The following FAM83F variants were observed in gnomAD, a reference collection of about 807,000 sequenced individuals.
The protein encoded by FAM83F is scaffolding CK1 anchoring protein F.
Under a neutral mutation model 42.9 loss-of-function variants are expected in FAM83F, and 45 were observed. The observed-to-expected ratio is 1.05, with a 90% CI of 0.83 to 1.35. The LOEUF is 1.35. Ranked by LOEUF, FAM83F falls within the 40% of genes most tolerant of loss-of-function variation. The pLI, the probability that FAM83F is intolerant of heterozygous loss-of-function variation, is 0.00. For missense variants in FAM83F, 617 were observed against 695.9 expected (o/e 0.89, Z 1.28); for synonymous variants, 306 against 298.3 (o/e 1.03, Z -0.27).
rs1486491841 is a variant in FAM83F, at chr22:40,035,771, A to G, written c.*6206A>G. ...GTCAAATGGGGATGATCTCGAGACG[A>G]CTCTCCAGAGTAACCACGTGAAGCA... On this transcript the variant is annotated 3_prime_UTR_variant, in exon 5 of 5. Transcript: ENST00000333407. The G allele has an allele frequency of 6.6e-6, 1 of 151,950 alleles. No individual in the cohort carries two copies. Among genetic ancestry groups the G allele is most frequent in the Non-Finnish European group, 1.5e-5 (1 of 68,000 alleles). The allele number at this position is 151,950 out of a possible 1,614,324, so 9.4% of individuals were successfully genotyped here.
chr22:40,011,702 A>C (rs999596514), intron 1 of FAM83F, among the ~76,000 whole-genome samples: 6 of 152,206 alleles, frequency 3.9e-5, no homozygotes, highest in African/African-American at 1.4e-4. Context: ...CTAGTTCGTT[A>C]CTTCTGTCTG....
rs559221638 is a variant in FAM83F, at chr22:40,029,694, C to T, written c.*129C>T. On this transcript the variant is annotated 3_prime_UTR_variant, in exon 5 of 5. Coordinates refer to ENST00000333407, the MANE Select transcript of FAM83F (RefSeq NM_138435.4). ...AACTGGCCTTCTGCCCTGCAGCCTC[C>T]GTCCTGGCCTCAGGGACGCTGGATC... The T allele has an allele frequency of 1.3e-5, 17 of 1,356,420 alleles. 1 individual carries two copies. In the East Asian group the frequency reaches 1.3e-4, roughly 10 times the overall value. The allele number at this position is 1,356,420 out of a possible 1,614,324, so 84.0% of individuals were successfully genotyped here. A position where few individuals can be genotyped will look rare whatever the true frequency, so the allele number is the denominator to read the frequency against.
At chr22:40,000,266 T>G in intron 1 of FAM83F, among the ~76,000 whole-genome samples, 1 of 151,522 alleles carries the variant, frequency 6.6e-6, no homozygotes. Flanking sequence ...GGGAGGGAGG[T>G]GCATCAGGGG....
At chr22:40,007,038 GCTTAAGTAACTTGCACAAGGCCTCACAGC>G (rs1468414890) in intron 1 of FAM83F, among the ~76,000 whole-genome samples, 1 of 151,976 alleles carries the variant, frequency 6.6e-6, no homozygotes, top group East Asian at 1.9e-4. Flanking sequence ...AATTCAGAGG[GCTTAAGTAACTTGCACAAGGCCTCACAGC>G]CTGCGTGGAA....
At position 40,029,078 on chromosome 22, in the gene FAM83F, GAC is replaced by G. The variant is rs373508741; in HGVS notation, c.1454-437_1454-436del. Among the ~76,000 whole-genome samples, 153 of 135,336 alleles carry G rather than the reference GAC, an allele frequency of 1.1e-3. 3 individuals carry two copies. The highest frequency in any genetic ancestry group is 3.9e-3 in the African/African-American group (138 of 35,478). 88.8% of individuals were successfully genotyped at this position (135,336 alleles called of 152,430 possible). ...CTGGTAGTGAGCGGCCTCTTGGCTA[GAC>G]GTGTGTGTGTGTGTGTGTGTGTGTG... On this transcript the variant is annotated intron_variant, in intron 4 of 4. Coordinates refer to ENST00000333407, the MANE Select transcript of FAM83F (RefSeq NM_138435.4).
rs996034307 is a variant in FAM83F at position 40,031,697 on chromosome 22, G to A, written c.*2132G>A. On this transcript the variant is annotated 3_prime_UTR_variant, in exon 5 of 5. Coordinates refer to ENST00000333407, the MANE Select transcript of FAM83F (RefSeq NM_138435.4). ...GTTAGGAAGCAAGTTGGCATAGTGG[G>A]AAGAGGGCCAGCCACAAGGCAGGAG... The A allele has an allele frequency of 1.4e-4, 22 of 152,260 alleles. No homozygotes were observed. The highest frequency in any genetic ancestry group is 5.3e-4 in the African/African-American group (22 of 41,468). The allele number at this position is 152,260 out of a possible 1,614,324, so 9.4% of individuals were successfully genotyped here. A position where few individuals can be genotyped will look rare whatever the true frequency, so the allele number is the denominator to read the frequency against.
intron 1 of FAM83F, among the ~76,000 whole-genome samples, chr22:40,014,358 G>A (rs2067483563): frequency 6.6e-6 from 1 of 151,684 alleles, no homozygotes; most frequent in African/African-American, 2.4e-5. Flanking sequence ...ATCACAAGTA[G>A]GGATCTCGCT....
intron 1 of FAM83F, among the ~76,000 whole-genome samples, chr22:40,003,489 G>A (rs899430070): frequency 6.6e-6 from 1 of 152,032 alleles, no homozygotes; most frequent in Non-Finnish European, 1.5e-5. Context: ...GTGGGGAGGA[G>A]GGCAGAGAAC....
At chr22:40,020,619 T>C (rs1004683360) in intron 3 of FAM83F, among the ~76,000 whole-genome samples, 1 of 152,116 alleles carries the variant, frequency 6.6e-6, no homozygotes, top group South Asian at 2.1e-4. Context: ...CGCCTCAGCC[T>C]CCCAAAATGC....
At position 40,041,899 on chromosome 22, in the gene FAM83F, C is replaced by CTATT. The variant is rs1464205100; in HGVS notation, c.*12335_*12338dup. 6.6e-6 allele frequency: 1 copy of CTATT among 150,638 alleles called. No individual in the cohort carries two copies. The highest frequency in any genetic ancestry group is 1.5e-5 in the Non-Finnish European group (1 of 67,856). 9.3% of individuals were successfully genotyped at this position (150,638 alleles called of 1,614,324 possible). A position where few individuals can be genotyped will look rare whatever the true frequency, so the allele number is the denominator to read the frequency against. ...TTTTTTTTTGAGACAGGGTCTTGCT[C>CTATT]TATTGCCCAGGCTGGAGTGCAGTGG... On this transcript the variant is annotated 3_prime_UTR_variant, in exon 5 of 5. Transcript: ENST00000333407.
chr22:40,017,084 C>T (rs757173057), intron 1 of FAM83F, among the ~76,000 whole-genome samples: 1 of 152,048 alleles, frequency 6.6e-6, no homozygotes, highest in Non-Finnish European at 1.5e-5. Context: ...CTATGAAGAA[C>T]TTTAAATGGT....
At chr22:40,016,820 C>A (rs1049303293) in intron 1 of FAM83F, among the ~76,000 whole-genome samples, 4 of 151,884 alleles carry the variant, frequency 2.6e-5, no homozygotes, top group African/African-American at 9.7e-5. Context: ...CCCGCCACCA[C>A]GCCTGGCTAA....
rs1392900121 is a variant in FAM83F at position 40,039,693 on chromosome 22, C to T, written c.*10128C>T. 2.0e-5 allele frequency: 3 copies of T among 152,116 alleles called. No homozygotes were observed. The highest frequency in any genetic ancestry group is 1.9e-4 in the East Asian group (1 of 5,194). The allele number at this position is 152,116 out of a possible 1,614,324, so 9.4% of individuals were successfully genotyped here. A position where few individuals can be genotyped will look rare whatever the true frequency, so the allele number is the denominator to read the frequency against. On this transcript the variant is annotated 3_prime_UTR_variant, in exon 5 of 5. Coordinates refer to ENST00000333407, the MANE Select transcript of FAM83F (RefSeq NM_138435.4). ...ATAAGGAGAGAAGTGCAGACAGATT[C>T]CTTTGAAGGAGCTTAGAGAAAGAGA...
rs1476584692 is a variant in FAM83F, at chr22:40,033,933, C to A, written c.*4368C>A. The stretch of plus-strand genomic sequence containing the variant: ...GACAGGTGTGTTTATGTACACACAT[C>A]TGCCTCACTCCACTCAGCTCCCTGT... On this transcript the variant is annotated 3_prime_UTR_variant, in exon 5 of 5. Coordinates refer to ENST00000333407, the MANE Select transcript of FAM83F (RefSeq NM_138435.4). 6.6e-6 allele frequency: 1 copy of A among 152,396 alleles called. No individual in the cohort carries two copies. The highest frequency in any genetic ancestry group is 6.5e-5 in the Admixed American group (1 of 15,294). The allele number at this position is 152,396 out of a possible 1,614,324, so 9.4% of individuals were successfully genotyped here. A position where few individuals can be genotyped will look rare whatever the true frequency, so the allele number is the denominator to read the frequency against.
Position 40,036,679 on chromosome 22 carries a change from G to A in FAM83F, c.*7114G>A, listed in dbSNP as rs1354516618. On this transcript the variant is annotated 3_prime_UTR_variant, in exon 5 of 5. Coordinates refer to ENST00000333407, the MANE Select transcript of FAM83F (RefSeq NM_138435.4). ...TTCCACACCCCGCCTTGATGTCTTT[G>A]GCTTTCACACTAGTGACTATAGCCT... 1 of 152,278 alleles carries A rather than the reference G, an allele frequency of 6.6e-6. No individual in the cohort carries two copies. The highest frequency in any genetic ancestry group is 1.5e-5 in the Non-Finnish European group (1 of 68,104). The allele number at this position is 152,278 out of a possible 1,614,324, so 9.4% of individuals were successfully genotyped here.
At chr22:40,012,077 A>C (rs1260100463) in intron 1 of FAM83F, among the ~76,000 whole-genome samples, 2 of 152,190 alleles carry the variant, frequency 1.3e-5, no homozygotes, top group Admixed American at 1.3e-4. Flanking sequence ...TGGATTATCC[A>C]ACTTTCTGAT....
At chr22:40,004,503 A>G (rs1380081526) in intron 1 of FAM83F, among the ~76,000 whole-genome samples, 1 of 151,938 alleles carries the variant, frequency 6.6e-6, no homozygotes, top group African/African-American at 2.4e-5. Context: ...TGGTTTCACC[A>G]TGTTGCCCAG....
intron 4 of FAM83F, among the ~76,000 whole-genome samples, chr22:40,029,034 G>T (rs896835668): frequency 6.6e-6 from 1 of 151,914 alleles, no homozygotes; most frequent in Non-Finnish European, 1.5e-5. Context: ...TTTGCAGGCG[G>T]TGGAGCTGCA....
In FAM83F at chr22:40,034,886, G is replaced by A. The variant is rs934398729; in HGVS notation, c.*5321G>A. 1 of 152,164 alleles carries A rather than the reference G, an allele frequency of 6.6e-6. No homozygotes were observed. The highest frequency in any genetic ancestry group is 2.4e-5 in the African/African-American group (1 of 41,428). 9.4% of individuals were successfully genotyped at this position (152,164 alleles called of 1,614,324 possible). A position where few individuals can be genotyped will look rare whatever the true frequency, so the allele number is the denominator to read the frequency against. On this transcript the variant is annotated 3_prime_UTR_variant, in exon 5 of 5. Transcript: ENST00000333407. ...CTCCTGATCTAATCCTTTCCTCTAG[G>A]AAGGCTTCTCCTTTCTTCATCTGTC...
Sources: gnomAD v4.1 joint callset for allele counts (sites outside exome capture counted in the v4.1 genomes callset) on GRCh38, gnomAD v4.1.1 for gene constraint, MANE v1.5 for transcripts, NCBI Gene and HGNC (gene_info 2026-07-23, HGNC 2026-07-21) for gene names.